ARHGAP22: variants seen among roughly 807,000 people sequenced by gnomAD.
ARHGAP22 encodes Rho GTPase activating protein 22, also known as rho GTPase-activating protein 22.
A neutral mutation model predicts 59.1 loss-of-function variants in ARHGAP22; 48 were observed. The observed-to-expected ratio is 0.81, with a 90% CI of 0.64 to 1.03. ARHGAP22 has a LOEUF of 1.03. Ranked by LOEUF, ARHGAP22 falls within the 50% of genes least tolerant of loss-of-function variation. ARHGAP22 has a pLI of 0.00. For missense variants in ARHGAP22, 1,015 were observed against 958.7 expected, an observed-to-expected ratio of 1.06 and a Z score of -0.78; for synonymous variants, 445 against 416.4, an observed-to-expected ratio of 1.07 and a Z score of -0.84.
At chr10:48,616,550 T>A (rs2061090163) in intron 1 of ARHGAP22, among the ~76,000 whole-genome samples, 1 of 152,150 alleles carries the variant, frequency 6.6e-6, no homozygotes, top group Non-Finnish European at 1.5e-5. Context: ...ATAATCAAAT[T>A]GTCAAAAGCC....
At chr10:48,640,617 T>C (rs954677635) in intron 1 of ARHGAP22, among the ~76,000 whole-genome samples, 1 of 152,130 alleles carries the variant, frequency 6.6e-6, no homozygotes, top group Non-Finnish European at 1.5e-5. Context: ...AAGAATTCTA[T>C]ATCAAAAAAT....
intron 1 of ARHGAP22, among the ~76,000 whole-genome samples, chr10:48,622,841 G>A (rs963461277): frequency 3.9e-5 from 6 of 152,112 alleles, no homozygotes; most frequent in Admixed American, 3.3e-4. Context: ...CCTTTACACT[G>A]GTTATTAAAC....
chr10:48,482,459 A>G (rs2049419548), intron 3 of ARHGAP22, among the ~76,000 whole-genome samples: 3 of 152,162 alleles, frequency 2.0e-5, no homozygotes, highest in Admixed American at 2.0e-4. Context: ...TTCTTCTTCT[A>G]ATGACACTGA....
chr10:48,502,800 C>T (rs1288679544), intron 3 of ARHGAP22, among the ~76,000 whole-genome samples: 7 of 152,274 alleles, frequency 4.6e-5, no homozygotes, highest in Non-Finnish European at 7.3e-5. Flanking sequence ...GTGCCAGACA[C>T]TGTGCCACAT....
intron 3 of ARHGAP22, among the ~76,000 whole-genome samples, chr10:48,540,838 C>G (rs1211511155): frequency 6.6e-6 from 1 of 152,012 alleles, no homozygotes; most frequent in Admixed American, 6.5e-5. Flanking sequence ...AACCAGGCAC[C>G]TTAAAAGCAG....
intron 2 of ARHGAP22, among the ~76,000 whole-genome samples, chr10:48,559,362 CCTATGTAT>C (rs1455979243): frequency 1.3e-5 from 2 of 152,162 alleles, no homozygotes; most frequent in Non-Finnish European, 2.9e-5. Flanking sequence ...AATTGCTCAG[CCTATGTAT>C]CTAAGTTCCT....
intron 1 of ARHGAP22, among the ~76,000 whole-genome samples, chr10:48,643,224 C>A (rs982332178): frequency 1.3e-5 from 2 of 152,136 alleles, no homozygotes; most frequent in Non-Finnish European, 2.9e-5. Flanking sequence ...TTTGACCCAG[C>A]CATCCCATTA....
intron 3 of ARHGAP22, among the ~76,000 whole-genome samples, chr10:48,504,637 ACTG>A (rs1384430200): frequency 1.3e-5 from 2 of 152,170 alleles, no homozygotes; most frequent in Non-Finnish European, 2.9e-5. Context: ...GGACAGGAGA[ACTG>A]CAAAGGCCCC....
the ARHGAP22 span, chr10:48,434,998 C>G: frequency 3.7e-6 from 6 of 1,607,050 alleles, no homozygotes; most frequent in East Asian, 1.3e-4. Context: ...AGTCTAGAAG[C>G]AGCAGCTGGG....
intron 3 of ARHGAP22, among the ~76,000 whole-genome samples, chr10:48,506,642 C>T (rs1383795562): frequency 6.6e-6 from 1 of 152,146 alleles, no homozygotes; most frequent in Non-Finnish European, 1.5e-5. Context: ...CATTCCCTAG[C>T]ACAACACCAG....
At chr10:48,594,781 G>C (rs1025900270) in intron 1 of ARHGAP22, among the ~76,000 whole-genome samples, 1 of 152,086 alleles carries the variant, frequency 6.6e-6, no homozygotes, top group Non-Finnish European at 1.5e-5. Context: ...AGGTACAGGG[G>C]TGTACTTCAC....
chr10:48,470,220 G>T (rs1229609604), intron 4 of ARHGAP22, among the ~76,000 whole-genome samples: 1 of 152,228 alleles, frequency 6.6e-6, no homozygotes, highest in African/African-American at 2.4e-5. Context: ...GAGAAGGAAG[G>T]GCTTAATGAA....
chr10:48,596,757 C>T (rs1452299729), intron 1 of ARHGAP22, among the ~76,000 whole-genome samples: 9 of 152,222 alleles, frequency 5.9e-5, no homozygotes, highest in Non-Finnish European at 1.3e-4. Context: ...CTCGTGGCTC[C>T]TTGGAAGAGA....
chr10:48,579,558 G>C (rs529421854), intron 2 of ARHGAP22, among the ~76,000 whole-genome samples: 199 of 152,288 alleles, frequency 1.3e-3, no homozygotes, highest in Non-Finnish European at 2.2e-3. Flanking sequence ...TCTCCGTCTT[G>C]AACTGTCTTG....
At chr10:48,565,685 C>T (rs1402472837) in intron 2 of ARHGAP22, among the ~76,000 whole-genome samples, 1 of 151,850 alleles carries the variant, frequency 6.6e-6, no homozygotes, top group Admixed American at 6.5e-5. Context: ...GGCCTGGTTT[C>T]TTTATGTGTA....
chr10:48,604,624 G>C, intron 1 of ARHGAP22, 139 bp downstream of exon 1: 1 of 1,371,376 alleles, frequency 7.3e-7, no homozygotes, highest in Non-Finnish European at 1.0e-6. Context: ...TTCCTCAGGA[G>C]GATGCTCACT....
intron 3 of ARHGAP22, among the ~76,000 whole-genome samples, chr10:48,549,874 GT>G (rs2056765379): frequency 6.6e-6 from 1 of 152,118 alleles, no homozygotes; most frequent in Non-Finnish European, 1.5e-5. Flanking sequence ...ACTCAGCAGT[GT>G]TTTTTGCAAG....
chr10:48,618,353 C>T (rs1343431709), intron 1 of ARHGAP22, among the ~76,000 whole-genome samples: 1 of 152,038 alleles, frequency 6.6e-6, no homozygotes, highest in Non-Finnish European at 1.5e-5. Flanking sequence ...ATGAGCCTAG[C>T]TATACCCTGA....
intron 3 of ARHGAP22, among the ~76,000 whole-genome samples, chr10:48,502,440 C>T (rs1194147650): frequency 2.0e-5 from 3 of 152,192 alleles, no homozygotes; most frequent in Non-Finnish European, 4.4e-5. Context: ...CATGGCCTTA[C>T]CCTGTTGTCT....
Sources: allele counts gnomAD v4.1 joint callset (sites outside exome capture counted in the v4.1 genomes callset), GRCh38; gene constraint gnomAD v4.1.1; transcripts MANE v1.5; gene names NCBI Gene and HGNC (gene_info 2026-07-23, HGNC 2026-07-21).